Variants in GRIK2 observed in about 807,000 individuals in gnomAD.
GRIK2 encodes the protein glutamate ionotropic receptor kainate type subunit 2.
In GRIK2, 32 loss-of-function variants were observed where a neutral mutation model predicts 100.3. That is an observed-to-expected ratio of 0.32 (90% CI 0.24 to 0.43). The LOEUF is 0.43. Among genes scored for constraint, GRIK2 ranks in the 20% least tolerant of loss-of-function variants. GRIK2 has a pLI of 1.00. For synonymous variants in GRIK2, 417 were observed against 389.4 expected, an observed-to-expected ratio of 1.07 and a Z score of -0.83; for missense variants, 843 against 1,114.9, an observed-to-expected ratio of 0.76 and a Z score of 3.47.
chr6:101,676,128 A>G (rs1181426868), intron 4 of GRIK2, among the ~76,000 whole-genome samples: 3 of 152,208 alleles, frequency 2.0e-5, no homozygotes, highest in Non-Finnish European at 2.9e-5. Context: ...ATACAATACA[A>G]ACAAAGCTAT....
At chr6:101,625,387 T>A (rs987660086) in intron 3 of GRIK2, among the ~76,000 whole-genome samples, 12 of 145,714 alleles carry the variant, frequency 8.2e-5, no homozygotes, top group Admixed American at 4.8e-4. Context: ...AAATAAATAA[T>A]AAATAAATAA....
chr6:101,427,927 T>C lies in GRIK2; in HGVS notation c.115+28535T>C, dbSNP rs12662975. Among the ~76,000 whole-genome samples the C allele has an allele frequency of 0.013, 2,013 of 152,262 alleles. 98 individuals are homozygous for C. The East Asian group carries it at 0.15, about 11-fold the overall frequency. Reference sequence around the variant, plus strand: ...ATGCTTCGATGGATCACAGAGGCAATGGGTAATATTTTTGAGAATGTTAAA... The same window carrying C: ...ATGCTTCGATGGATCACAGAGGCAACGGGTAATATTTTTGAGAATGTTAAA... On this transcript the variant is annotated intron_variant, in intron 2 of 16. Transcript: ENST00000369134.
At chr6:101,561,710 T>C (rs1777025083) in intron 2 of GRIK2, among the ~76,000 whole-genome samples, 1 of 151,932 alleles carries the variant, frequency 6.6e-6, no homozygotes, top group Non-Finnish European at 1.5e-5. Flanking sequence ...AGAAGGGAAA[T>C]CATTAGGCAT....
At chr6:101,438,072 A>G (rs1022045853) in intron 2 of GRIK2, among the ~76,000 whole-genome samples, 6 of 152,126 alleles carry the variant, frequency 3.9e-5, no homozygotes, top group Admixed American at 6.6e-5. Context: ...AAGTCTTTCT[A>G]TATCTACATA....
chr6:101,871,584 G>A (rs1414020666), intron 11 of GRIK2, among the ~76,000 whole-genome samples: 2 of 151,878 alleles, frequency 1.3e-5, no homozygotes, highest in East Asian at 1.9e-4. Flanking sequence ...TTATTTCCAT[G>A]TGTACCCAAT....
chr6:101,485,890 TAGC>T (rs1226276288), intron 2 of GRIK2, among the ~76,000 whole-genome samples: 1 of 151,160 alleles, frequency 6.6e-6, no homozygotes, highest in African/African-American at 2.4e-5. Context: ...AAAACGTAAT[TAGC>T]AGGCACAGTT....
intron 2 of GRIK2, among the ~76,000 whole-genome samples, chr6:101,569,443 T>C (rs939624045): frequency 6.6e-6 from 1 of 151,826 alleles, no homozygotes; most frequent in African/African-American, 2.4e-5. Flanking sequence ...TACCTTGAAA[T>C]CTACACAGGA....
chr6:101,634,422 A>G (rs994368763), intron 4 of GRIK2, among the ~76,000 whole-genome samples: 1 of 152,118 alleles, frequency 6.6e-6, no homozygotes, highest in Admixed American at 6.6e-5. Context: ...GAAGTTTGAA[A>G]CATCTATGAA....
intron 11 of GRIK2, among the ~76,000 whole-genome samples, chr6:101,875,588 T>A (rs1478697223): frequency 6.6e-6 from 1 of 151,898 alleles, no homozygotes; most frequent in Non-Finnish European, 1.5e-5. Flanking sequence ...AAAATTTCAT[T>A]TCTGTTTTCT....
intron 15 of GRIK2, among the ~76,000 whole-genome samples, chr6:102,039,691 A>G (rs1032071944): frequency 2.6e-5 from 4 of 151,526 alleles, no homozygotes; most frequent in Admixed American, 1.3e-4. Flanking sequence ...TGTTGAGTGC[A>G]TATTGCACTT....
At chr6:101,900,877 A>G (rs1196159112) in intron 12 of GRIK2, among the ~76,000 whole-genome samples, 3 of 151,688 alleles carry the variant, frequency 2.0e-5, no homozygotes, top group Admixed American at 6.6e-5. Flanking sequence ...GTCCTTGTTG[A>G]TAACATCATT....
intron 10 of GRIK2, among the ~76,000 whole-genome samples, chr6:101,845,645 C>T (rs906697685): frequency 6.6e-6 from 1 of 152,146 alleles, no homozygotes; most frequent in African/African-American, 2.4e-5. Flanking sequence ...TTTGTTTAAA[C>T]ACCAATTTTT....
chr6:101,886,859 C>T (rs1451733480), intron 11 of GRIK2, among the ~76,000 whole-genome samples: 9 of 141,258 alleles, frequency 6.4e-5, no homozygotes, highest in Admixed American at 2.2e-4. Flanking sequence ...CAGAGTCTCC[C>T]TCTGTTGCCT....
chr6:101,491,286 A>G (rs921652932), intron 2 of GRIK2, among the ~76,000 whole-genome samples: 2 of 151,100 alleles, frequency 1.3e-5, no homozygotes, highest in African/African-American at 4.9e-5. Context: ...AAAAAAAAAA[A>G]AACCCAACCA....
chr6:101,975,963 G>A (rs1793355079), intron 14 of GRIK2, among the ~76,000 whole-genome samples: 1 of 151,892 alleles, frequency 6.6e-6, no homozygotes, highest in African/African-American at 2.4e-5. Context: ...GGGAATAATT[G>A]ATAACATAAC....
At chr6:101,680,356 C>T (rs1443737202) in intron 5 of GRIK2, among the ~76,000 whole-genome samples, 7 of 152,094 alleles carry the variant, frequency 4.6e-5, no homozygotes, top group African/African-American at 1.7e-4. Context: ...AAAAATTGTT[C>T]TACAACTTTG....
At chr6:101,769,162 A>G (rs1183491390) in intron 7 of GRIK2, among the ~76,000 whole-genome samples, 1 of 152,190 alleles carries the variant, frequency 6.6e-6, no homozygotes, top group East Asian at 1.9e-4. Flanking sequence ...TCTACCTTGC[A>G]TGATGGATAT....
At chr6:101,396,243 C>T (rs2787574) in intron 1 of GRIK2, among the ~76,000 whole-genome samples, 21,678 of 79,412 alleles carry the variant, frequency 0.27, 1,831 homozygotes, top group Non-Finnish European at 0.3. Context: ...ATTTAGCATT[C>T]CCCCCCCCCC....
At chr6:101,948,514 ATATATT>A (rs1192971364) in intron 14 of GRIK2, among the ~76,000 whole-genome samples, 3 of 148,044 alleles carry the variant, frequency 2.0e-5, no homozygotes, top group Non-Finnish European at 4.5e-5. Context: ...TTATATATAA[ATATATT>A]TATAGTTATA....
Sources: gnomAD v4.1 joint callset for allele counts (sites outside exome capture counted in the v4.1 genomes callset) on GRCh38, gnomAD v4.1.1 for gene constraint, MANE v1.5 for transcripts, NCBI Gene and HGNC (gene_info 2026-07-23, HGNC 2026-07-21) for gene names.